CSNK1E: variants seen among roughly 807,000 people sequenced by gnomAD.
CSNK1E encodes the protein casein kinase 1 epsilon, also known as casein kinase I isoform epsilon.
In CSNK1E, 17 loss-of-function variants were observed where a neutral mutation model predicts 46.1. The ratio of observed to expected loss-of-function variants is 0.37; its 90% CI spans 0.25 to 0.55. The LOEUF is 0.55. CSNK1E is among the 20% of genes least tolerant of loss of function. The pLI is 0.82. For synonymous variants in CSNK1E, 241 were observed against 242.6 expected, an observed-to-expected ratio of 0.99 and a Z score of 0.06; for missense variants, 386 against 595.4, an observed-to-expected ratio of 0.65 and a Z score of 3.66.
chr22:38,311,895 C>T (rs1307441324), intron 2 of CSNK1E, among the ~76,000 whole-genome samples: 2 of 151,814 alleles, frequency 1.3e-5, no homozygotes, highest in Non-Finnish European at 2.9e-5. Context: ...ACCTCCACCT[C>T]CCAGATTCAA....
upstream of CSNK1E, among the ~76,000 whole-genome samples, chr22:38,317,669 G>A (rs1467203595): frequency 2.0e-5 from 3 of 152,050 alleles, no homozygotes; most frequent in African/African-American, 4.8e-5. Context: ...TGGAAAAGAC[G>A]GGGTGCGGGG....
chr22:38,313,417 C>T (rs1015503336), intron 2 of CSNK1E, among the ~76,000 whole-genome samples: 2 of 152,268 alleles, frequency 1.3e-5, no homozygotes, highest in Non-Finnish European at 2.9e-5. Flanking sequence ...GACTCATGAC[C>T]GTGCCCCTCA....
intron 2 of CSNK1E, among the ~76,000 whole-genome samples, chr22:38,304,922 G>T (rs1453156539): frequency 6.6e-6 from 1 of 152,034 alleles, no homozygotes; most frequent in Non-Finnish European, 1.5e-5. Context: ...AGGAGTCCGA[G>T]ACCAGCCCAG....
intron 4 of CSNK1E, among the ~76,000 whole-genome samples, chr22:38,301,701 T>C (rs1265389584): frequency 1.3e-5 from 2 of 152,200 alleles, no homozygotes; most frequent in African/African-American, 4.8e-5. Context: ...CCCAAAGTGC[T>C]GGGATTACAG....
intron 6 of CSNK1E, among the ~76,000 whole-genome samples, chr22:38,299,432 G>A (rs1033170082): frequency 6.6e-6 from 1 of 152,266 alleles, no homozygotes; most frequent in Non-Finnish European, 1.5e-5. Context: ...GCCAGGACAG[G>A]GAAACCGGGC....
intron 2 of CSNK1E, among the ~76,000 whole-genome samples, chr22:38,310,867 C>T (rs1288769791): frequency 6.6e-6 from 1 of 152,240 alleles, no homozygotes; most frequent in Non-Finnish European, 1.5e-5. Context: ...CCTGGCAGAG[C>T]ACTGGGGATA....
rs761261951 is a variant in CSNK1E at position 38,302,895 on chromosome 22, C to T, written c.302G>A (p.Ser101Asn). The T allele has an allele frequency of 6.2e-7, 1 of 1,614,118 alleles. No individual in the cohort carries two copies. The highest frequency in any genetic ancestry group is 1.1e-5 in the South Asian group (1 of 91,078). ...GGCCAAGAGCAGCACCGTCTTGAGG[C>T]TGAATTTGCGGGAACAGAAGTTGAA... is the stretch of plus-strand genomic sequence containing the variant. ...DLFNFCSRKF[S>N]LKTVLLLADQ... Residue 101 changes from serine (S) to asparagine (N), a missense_variant, in exon 4 of 11, where the codon AGC becomes AAC. This residue lies in a region of CSNK1E where 212 missense variants were observed against 410.2 expected (regional missense o/e 0.52). Coordinates refer to ENST00000396832, the MANE Select transcript of CSNK1E (RefSeq NM_152221.3).
Position 38,293,312 on chromosome 22 carries a change from A to T in CSNK1E, c.1226T>A (p.Val409Glu). The change falls in exon 10 of 11, where the codon GTG becomes GAG. Residue 409 changes from valine to glutamate, a missense_variant. Val to Glu is a moderately radical substitution (Grantham distance 121). This residue lies in a region of CSNK1E where 174 missense variants were observed against 185.2 expected (regional missense o/e 0.94). Transcript: ENST00000396832. ...TCACTTCCCGAGATGGTCAAATGGC[A>T]CACTTGTCTTTTGAGGGTGGGGAGG... ...VSRIPASQTS[V>E]PFDHLGK 6.2e-7 allele frequency: 1 copy of T among 1,611,388 alleles called. No individual in the cohort carries two copies. Among genetic ancestry groups the T allele is most frequent in the Non-Finnish European group, 8.5e-7 (1 of 1,178,730 alleles).
intron 1 of CSNK1E, 41 bp from the exon 2 acceptor site, chr22:38,314,210 A>T: frequency 1.3e-6 from 2 of 1,546,186 alleles, no homozygotes; most frequent in East Asian, 2.3e-5. Context: ...CGACGTGGGG[A>T]GCCGGGAAAG....
intron 7 of CSNK1E, among the ~76,000 whole-genome samples, chr22:38,295,655 C>T (rs890588178): frequency 2.6e-5 from 4 of 152,176 alleles, no homozygotes; most frequent in Admixed American, 1.3e-4. Flanking sequence ...GTGACCTGCC[C>T]GGGGTTGCAC....
intron 7 of CSNK1E, among the ~76,000 whole-genome samples, chr22:38,295,992 T>C (rs904839660): frequency 6.6e-6 from 1 of 152,238 alleles, no homozygotes; most frequent in African/African-American, 2.4e-5. Context: ...ATCAACCCTG[T>C]GAGGCAGGTC....
chr22:38,306,725 A>G (rs953047996), intron 2 of CSNK1E, among the ~76,000 whole-genome samples: 4 of 42,838 alleles, frequency 9.3e-5, no homozygotes, highest in African/African-American at 4.3e-4. Flanking sequence ...GCAAGACTCC[A>G]TCTCAAAAAA....
rs1312984082 is a variant in CSNK1E, at chr22:38,309,387, G to A, written c.76+4695C>T. 6.6e-6 allele frequency among the ~76,000 whole-genome samples: 1 copy of A among 152,182 alleles called. No individual in the cohort carries two copies. The highest frequency in any genetic ancestry group is 1.5e-5 in the Non-Finnish European group (1 of 68,016). ...GTGCAGGGAGGAGAGGTGCTGGGGA[G>A]GTAGTGGTAGACAGGGCCCTCTTCC... On this transcript the variant is annotated intron_variant, in intron 2 of 10. Transcript: ENST00000396832. The surrounding 1 kb of genome is among the most constrained non-coding windows in gnomAD (Gnocchi z 4.8).
At chr22:38,313,072 T>A in intron 2 of CSNK1E, among the ~76,000 whole-genome samples, 1 of 152,106 alleles carries the variant, frequency 6.6e-6, no homozygotes, top group East Asian at 1.9e-4. Context: ...CCAGTCTCCG[T>A]CCCCGTCTCC....
At chr22:38,301,865 C>T (rs1656766761) in intron 4 of CSNK1E, among the ~76,000 whole-genome samples, 1 of 152,152 alleles carries the variant, frequency 6.6e-6, no homozygotes, top group Non-Finnish European at 1.5e-5. Flanking sequence ...CGACCCTCTG[C>T]TCACACACCT....
At chr22:38,306,694 G>A (rs1342967064) in intron 2 of CSNK1E, among the ~76,000 whole-genome samples, 2 of 150,020 alleles carry the variant, frequency 1.3e-5, no homozygotes, top group African/African-American at 5.0e-5. Context: ...TTGTGCCACT[G>A]CACTCCAGCC....
At position 38,300,171 on chromosome 22, in the gene CSNK1E, A is replaced by ACGT; in HGVS notation, c.566-109_566-107dup. 9.4e-7 allele frequency: 1 copy of ACGT among 1,062,014 alleles called. No homozygotes were observed. The highest frequency in any genetic ancestry group is 1.6e-5 in the South Asian group (1 of 64,198). 65.8% of individuals were successfully genotyped at this position (1,062,014 alleles called of 1,614,324 possible). ...AATGCACCAGGACCCTCCTGCCCCC[A>ACGT]CGTCGGATGTTGCTCACTGCACGCA... On this transcript the variant is annotated intron_variant, in intron 5 of 10. Coordinates refer to ENST00000396832, the MANE Select transcript of CSNK1E (RefSeq NM_152221.3). The surrounding 1 kb of genome is among the most constrained non-coding windows in gnomAD (Gnocchi z 4.4).
In CSNK1E at chr22:38,300,745, T is replaced by C. The variant is rs2092667551; in HGVS notation, c.544A>G (p.Ile182Val). The C allele has an allele frequency of 6.2e-7, 1 of 1,614,154 alleles. No individual in the cohort carries two copies. Among genetic ancestry groups the C allele is most frequent in the East Asian group, 2.2e-5 (1 of 44,884 alleles). Residue 182 changes from isoleucine (I) to valine (V), a missense_variant, in exon 5 of 11, where the codon ATC becomes GTC. By Grantham distance (29) the Ile-to-Val change is conservative. Transcript: ENST00000396832. This position sits in a 1 kb window ranked among gnomAD's most constrained non-coding sequence, Gnocchi z 4.4. ...TCACCAATGCCCAGGTGCGTGTTGA[T>C]GGAAGCGTAGCGGGCCGTGCCGGTC... ...NLTGTARYAS[I>V]NTHLGIEQSR...
chr22:38,300,098 AGGGGTCC>A lies in CSNK1E; in HGVS notation c.566-40_566-34del. The A allele has an allele frequency of 6.2e-7, 1 of 1,605,016 alleles. No homozygotes were observed. The highest frequency in any genetic ancestry group is 8.5e-7 in the Non-Finnish European group (1 of 1,174,184). ...GAGAGTCAAAGACTAGGTGAGGGACAGGGGTCCACTCAGGCCCCTAACTCATCCTCTG... is the reference window on the plus strand; with the variant it reads ...GAGAGTCAAAGACTAGGTGAGGGACAACTCAGGCCCCTAACTCATCCTCTG... On this transcript the variant is annotated intron_variant, in intron 5 of 10. Transcript: ENST00000396832. The surrounding 1 kb of genome is among the most constrained non-coding windows in gnomAD (Gnocchi z 4.4).
Sources: gnomAD v4.1 joint callset for allele counts (sites outside exome capture counted in the v4.1 genomes callset) on GRCh38, gnomAD v4.1.1 for gene constraint, gnomAD v4.1.1 regional missense constraint, Gnocchi (gnomAD v3.1) non-coding constraint, MANE v1.5 for transcripts, NCBI Gene and HGNC (gene_info 2026-07-23, HGNC 2026-07-21) for gene names.